Variants in PHYHD1 observed in about 807,000 individuals in gnomAD.
The protein encoded by PHYHD1 is phytanoyl-CoA dioxygenase domain containing 1.
In PHYHD1, 42 loss-of-function variants were observed where a neutral mutation model predicts 43.6. The observed-to-expected ratio is 0.96, with a 90% CI of 0.75 to 1.25. The LOEUF (loss-of-function observed/expected upper bound fraction) is 1.25. Among genes scored for constraint, PHYHD1 ranks in the 50% most tolerant of loss-of-function variants. PHYHD1 has a pLI of 0.00. For missense variants in PHYHD1, 342 were observed against 370.8 expected (o/e 0.92, Z 0.64); for synonymous variants, 139 against 143.6 (o/e 0.97, Z 0.23).
rs1278659093 is a variant in PHYHD1, at chr9:128,921,050, T to C, written c.-778T>C. On this transcript the variant is annotated 5_prime_UTR_variant, in exon 1 of 13. Coordinates refer to ENST00000372592, the MANE Select transcript of PHYHD1 (RefSeq NM_001100876.2). ...AGAGCCAGCGAGTGGCCCTGCCAGC[T>C]GCTGAGCAGGGCAAGCTGAGAAGGG... 6.6e-6 allele frequency: 1 copy of C among 152,274 alleles called. No individual in the cohort carries two copies. The highest frequency in any genetic ancestry group is 1.5e-5 in the Non-Finnish European group (1 of 68,068). The allele number at this position is 152,274 out of a possible 1,614,324, so 9.4% of individuals were successfully genotyped here.
At chr9:128,930,818 G>A (rs1180340578) in intron 4 of PHYHD1, among the ~76,000 whole-genome samples, 7 of 151,412 alleles carry the variant, frequency 4.6e-5, no homozygotes, top group Non-Finnish European at 1.5e-5. Flanking sequence ...GTGTGGTGGC[G>A]GGCACCTGTA....
intron 9 of PHYHD1, 62 bp downstream of exon 9, chr9:128,937,840 T>C: frequency 6.2e-7 from 1 of 1,612,658 alleles, no homozygotes; most frequent in Non-Finnish European, 8.5e-7. Context: ...ACAGCAATGG[T>C]TCTCAGATCT....
intron 4 of PHYHD1, among the ~76,000 whole-genome samples, chr9:128,932,648 T>G (rs1841320489): frequency 1.5e-5 from 1 of 65,416 alleles, no homozygotes; most frequent in Non-Finnish European, 3.5e-5. Flanking sequence ...ATTACAGGTG[T>G]GAGCCACTGC....
intron 3 of PHYHD1, chr9:128,926,797 G>C (rs1009527135): frequency 2.0e-5 from 12 of 590,272 alleles, no homozygotes; most frequent in Non-Finnish European, 3.3e-5. Context: ...GCCCGCCTCA[G>C]CCTCTCAAAG....
chr9:128,922,363 G>C lies in PHYHD1; in HGVS notation c.33+7G>C. ...CCCCTCGCAGCTCCAGAAGGTAGGAGCCTGCAAGTCGGGGCCGGGAGGGTC... is the reference window on the plus strand; with the variant it reads ...CCCCTCGCAGCTCCAGAAGGTAGGACCCTGCAAGTCGGGGCCGGGAGGGTC... On this transcript the variant is annotated splice_region_variant and intron_variant, in intron 3 of 12. Coordinates refer to ENST00000372592, the MANE Select transcript of PHYHD1 (RefSeq NM_001100876.2). 1 of 1,549,028 alleles carries C rather than the reference G, an allele frequency of 6.5e-7. No individual in the cohort carries two copies. The highest frequency in any genetic ancestry group is 8.7e-7 in the Non-Finnish European group (1 of 1,146,620).
In PHYHD1 at chr9:128,929,296, A is replaced by G. The variant is rs141064923; in HGVS notation, c.192+2100A>G. On this transcript the variant is annotated intron_variant, in intron 4 of 12. Coordinates refer to ENST00000372592, the MANE Select transcript of PHYHD1 (RefSeq NM_001100876.2). ...CAGTGAGCTATAATCATGCCACTGC[A>G]CTCCAGTCTGGGTGGGTGATAAAGA... Among the ~76,000 whole-genome samples the G allele has an allele frequency of 3.3e-3, 499 of 151,882 alleles. 2 individuals carry two copies. Among genetic ancestry groups the G allele is most frequent in the African/African-American group, 0.011 (470 of 41,426 alleles).
chr9:128,933,923 GC>G, intron 5 of PHYHD1, 66 bp downstream of exon 5: 1 of 1,604,100 alleles, frequency 6.2e-7, no homozygotes. Context: ...CTGGGAATCT[GC>G]CCCCTGGGCT....
chr9:128,938,057 A>G, intron 9 of PHYHD1: 1 of 1,064,950 alleles, frequency 9.4e-7, no homozygotes. Context: ...CTGTAATCCC[A>G]GCAATTTGGA....
intron 3 of PHYHD1, among the ~76,000 whole-genome samples, chr9:128,925,279 G>A (rs527691579): frequency 4.0e-5 from 6 of 150,536 alleles, no homozygotes; most frequent in Non-Finnish European, 7.4e-5. Flanking sequence ...AGGCTAGAGC[G>A]CAGTGGCGTG....
intron 8 of PHYHD1, among the ~76,000 whole-genome samples, chr9:128,937,486 C>G (rs1564542506): frequency 6.6e-6 from 1 of 152,202 alleles, no homozygotes; most frequent in Non-Finnish European, 1.5e-5. Flanking sequence ...GTCCTAGCCT[C>G]TCCCTCCAGT....
Position 128,936,460 on chromosome 9 carries a change from A to T in PHYHD1, c.329A>T (p.His110Leu). 1 of 1,613,184 alleles carries T rather than the reference A, an allele frequency of 6.2e-7. No homozygotes were observed. The highest frequency in any genetic ancestry group is 8.5e-7 in the Non-Finnish European group (1 of 1,179,714). The change falls in exon 7 of 13, where the codon CAC becomes CTC. Residue 110 changes from histidine (H) to leucine (L), a missense_variant. Transcript: ENST00000372592. ...TTCTGTCCCATAGCTCTGCACGCCC[A>T]CGACCCCGTCTTCAAGAGCATCACA... ...INKIGHALHA[H>L]DPVFKSITHS...
At chr9:128,940,271 T>C in intron 9 of PHYHD1, 98 bp from the exon 10 acceptor site, 1 of 1,543,756 alleles carries the variant, frequency 6.5e-7, no homozygotes, top group South Asian at 1.2e-5. Flanking sequence ...AGGCTGGCCC[T>C]GGAGAGCACC....
At chr9:128,940,211 GCCTTAGAGT>G (rs1324686157) in intron 9 of PHYHD1, among the ~76,000 whole-genome samples, 149 bp from the exon 10 acceptor site, 4 of 152,318 alleles carry the variant, frequency 2.6e-5, no homozygotes, top group African/African-American at 9.6e-5. Context: ...GAAATCGCTT[GCCTTAGAGT>G]CCTGGGCCAG....
chr9:128,932,178 A>ATTTTTTTTTTTTT (rs200138931), intron 4 of PHYHD1, among the ~76,000 whole-genome samples: 1 of 107,894 alleles, frequency 9.3e-6, no homozygotes, highest in African/African-American at 4.5e-5. Flanking sequence ...TGTTATTATT[A>ATTTTTTTTTTTTT]TTATTATTTT....
At chr9:128,932,175 A>ATTTTTTTTTTTTTTTTTTTTT (rs1164525938) in intron 4 of PHYHD1, among the ~76,000 whole-genome samples, 1 of 107,118 alleles carries the variant, frequency 9.3e-6, no homozygotes, top group African/African-American at 4.5e-5. Context: ...TATTGTTATT[A>ATTTTTTTTTTTTTTTTTTTTT]TTATTATTAT....
At chr9:128,925,230 T>G (rs1265027934) in intron 3 of PHYHD1, among the ~76,000 whole-genome samples, 2 of 140,310 alleles carry the variant, frequency 1.4e-5, no homozygotes, top group Non-Finnish European at 3.1e-5. Flanking sequence ...TTTTTCTTTC[T>G]TTTTTTTTTT....
chr9:128,941,472 T>G lies in PHYHD1; in HGVS notation c.731T>G (p.Val244Gly), dbSNP rs750614909. ...RGALVLIHGE[V>G]VHKSKQNLSD... ...GCCCTGGTCCTCATCCATGGAGAAG[T>G]GGTACACAAGAGCAAGCAGAACCTC... Residue 244 changes from valine (V) to glycine (G), a missense_variant, in exon 12 of 13, where the codon GTG becomes GGG. Physicochemically the swap from Val to Gly is moderately radical, Grantham distance 109 (BLOSUM62 -3). Coordinates refer to ENST00000372592, the MANE Select transcript of PHYHD1 (RefSeq NM_001100876.2). 3 of 1,613,690 alleles carry G rather than the reference T, an allele frequency of 1.9e-6. No individual in the cohort carries two copies. The highest frequency in any genetic ancestry group is 1.1e-5 in the South Asian group (1 of 91,076).
chr9:128,925,516 A>T (rs7870908), intron 3 of PHYHD1, among the ~76,000 whole-genome samples: 3 of 152,088 alleles, frequency 2.0e-5, no homozygotes, highest in Non-Finnish European at 4.4e-5. Flanking sequence ...GTGAGCCACC[A>T]TGCCCAGCAG....
chr9:128,941,523 C>T lies in PHYHD1; in HGVS notation c.782C>T (p.Thr261Ile). The change falls in exon 12 of 13, where the codon ACT becomes ATT. Residue 261 changes from threonine (T) to isoleucine (I), a missense_variant. Physicochemically the swap from Thr to Ile is moderately conservative, Grantham distance 89 (BLOSUM62 -1). Coordinates refer to ENST00000372592, the MANE Select transcript of PHYHD1 (RefSeq NM_001100876.2). Reference sequence around the variant, plus strand: ...TCTGACCGCTCGCGCCAGGCCTACACTTTCCACCTCATGGAGGCCTCTGGC... The same window carrying T: ...TCTGACCGCTCGCGCCAGGCCTACATTTTCCACCTCATGGAGGCCTCTGGC... Reference protein sequence around the residue: ...NLSDRSRQAYTFHLMEASGTT... With the variant: ...NLSDRSRQAYIFHLMEASGTT... 1 of 1,614,166 alleles carries T rather than the reference C, an allele frequency of 6.2e-7. No individual in the cohort carries two copies. The highest frequency in any genetic ancestry group is 8.5e-7 in the Non-Finnish European group (1 of 1,180,036).
Sources: gnomAD v4.1 joint callset for allele counts (sites outside exome capture counted in the v4.1 genomes callset) on GRCh38, gnomAD v4.1.1 for gene constraint, MANE v1.5 for transcripts, NCBI Gene and HGNC (gene_info 2026-07-23, HGNC 2026-07-21) for gene names.